REC114: variants seen among roughly 807,000 people sequenced by gnomAD.
REC114 encodes meiotic recombination protein REC114.
A neutral mutation model predicts 31.3 loss-of-function variants in REC114; 27 were observed. The observed-to-expected ratio is 0.86, with a 90% CI of 0.64 to 1.19. REC114 has a LOEUF of 1.19. Ranked by LOEUF, REC114 falls within the 50% of genes most tolerant of loss-of-function variation. The pLI is 0.00. For synonymous variants in REC114, 134 were observed against 127.7 expected, an observed-to-expected ratio of 1.05 and a Z score of -0.33; for missense variants, 344 against 326.9, an observed-to-expected ratio of 1.05 and a Z score of -0.40.
chr15:73,537,075 A>G (rs1212757926), intron 2 of REC114, among the ~76,000 whole-genome samples: 1 of 152,194 alleles, frequency 6.6e-6, no homozygotes, highest in African/African-American at 2.4e-5. Flanking sequence ...TTCTAGTGTT[A>G]AGCACTATAA....
intron 2 of REC114, among the ~76,000 whole-genome samples, chr15:73,528,776 G>A (rs1894038285): frequency 6.6e-6 from 1 of 152,146 alleles, no homozygotes; most frequent in Non-Finnish European, 1.5e-5. Context: ...GTAGGTGCAG[G>A]AGTCTGTACA....
At chr15:73,530,176 G>A (rs146098196) in intron 2 of REC114, among the ~76,000 whole-genome samples, 2 of 152,288 alleles carry the variant, frequency 1.3e-5, no homozygotes, top group African/African-American at 4.8e-5. Flanking sequence ...GTACTTTGAA[G>A]TAAGGCAGGT....
intron 2 of REC114, among the ~76,000 whole-genome samples, chr15:73,479,404 A>C (rs1286014279): frequency 6.6e-6 from 1 of 151,852 alleles, no homozygotes; most frequent in Non-Finnish European, 1.5e-5. Flanking sequence ...GAATTAACAT[A>C]TCGTTACCTC....
At chr15:73,548,967 A>G (rs1162454940) in intron 3 of REC114, among the ~76,000 whole-genome samples, 3 of 152,192 alleles carry the variant, frequency 2.0e-5, no homozygotes, top group African/African-American at 7.2e-5. Flanking sequence ...TATAAGTGGG[A>G]GCTAAATGAT....
intron 1 of REC114, among the ~76,000 whole-genome samples, chr15:73,447,689 A>AAATAAATAAATG (rs397963038): frequency 1.8e-4 from 27 of 151,546 alleles, no homozygotes; most frequent in African/African-American, 6.3e-4. Context: ...ATAAATAAAT[A>AAATAAATAAATG]GGAAAATACA....
chr15:73,501,350 T>C (rs1893601827), intron 2 of REC114, among the ~76,000 whole-genome samples: 1 of 152,198 alleles, frequency 6.6e-6, no homozygotes, highest in Non-Finnish European at 1.5e-5. Context: ...TCTTCTTCTA[T>C]TGAAGGAAAC....
intron 2 of REC114, among the ~76,000 whole-genome samples, chr15:73,539,235 A>G (rs930736748): frequency 1.3e-5 from 2 of 151,102 alleles, no homozygotes; most frequent in African/African-American, 4.9e-5. Context: ...TTCCATTTGG[A>G]AAAAAAACCT....
intron 2 of REC114, among the ~76,000 whole-genome samples, chr15:73,482,762 A>G (rs1339049752): frequency 6.6e-6 from 1 of 152,200 alleles, no homozygotes; most frequent in Admixed American, 6.5e-5. Context: ...AGTTGTTAAT[A>G]CCTTTTGCCT....
At chr15:73,472,960 G>A (rs559886658) in intron 1 of REC114, among the ~76,000 whole-genome samples, 1 of 152,126 alleles carries the variant, frequency 6.6e-6, no homozygotes, top group South Asian at 2.1e-4. Context: ...GTGATTATAG[G>A]CAATAGTATT....
intron 2 of REC114, among the ~76,000 whole-genome samples, chr15:73,516,740 G>A (rs772813090): frequency 3.3e-5 from 5 of 152,084 alleles, no homozygotes; most frequent in South Asian, 2.1e-4. Flanking sequence ...CAATTCTCCC[G>A]CCTCAGCCTC....
intron 2 of REC114, among the ~76,000 whole-genome samples, chr15:73,497,427 C>T (rs1402220789): frequency 6.6e-6 from 1 of 152,142 alleles, no homozygotes; most frequent in Non-Finnish European, 1.5e-5. Context: ...GTAGGTTATC[C>T]ATCACTATCA....
chr15:73,530,447 C>T (rs930910533), intron 2 of REC114, among the ~76,000 whole-genome samples: 3 of 151,940 alleles, frequency 2.0e-5, no homozygotes, highest in African/African-American at 7.2e-5. Context: ...AGATTGCTTG[C>T]GACCAGCCCG....
rs1482946772 is a variant in REC114 at position 73,559,757 on chromosome 15, T to A, written c.642T>A (p.Leu214=). 8.3e-6 allele frequency: 13 copies of A among 1,566,566 alleles called. No homozygotes were observed. Among genetic ancestry groups the A allele is most frequent in the Admixed American group, 2.1e-5 (1 of 48,748 alleles). The change falls in exon 6 of 6, where the codon CTT becomes CTA. Residue 214 remains leucine, a synonymous_variant. Coordinates refer to ENST00000331090, the MANE Select transcript of REC114 (RefSeq NM_001042367.2). The part of the protein sequence containing the change: ...RTSLTQLAQT[L]LASEELPHVY... ...CTTTTCTGGTATCCCTGCAGACTCT[T>A]CTGGCATCGGAGGAGCTGCCCCATG...
At chr15:73,447,648 A>AAAATAAATAAATAAATAAATAAATAAAT in intron 1 of REC114, among the ~76,000 whole-genome samples, 1 of 143,406 alleles carries the variant, frequency 7.0e-6, no homozygotes, top group East Asian at 2.1e-4. Flanking sequence ...ACTCTGTCTC[A>AAAATAAATAAATAAATAAATAAATAAAT]AAATAAATAA....
intron 2 of REC114, among the ~76,000 whole-genome samples, chr15:73,482,715 A>G (rs1893312739): frequency 6.6e-6 from 1 of 152,154 alleles, no homozygotes; most frequent in Non-Finnish European, 1.5e-5. Context: ...GGTATATACT[A>G]CATTTTGTTT....
Position 73,505,033 on chromosome 15 carries a change from A to G in REC114, c.249+31112A>G, listed in dbSNP as rs553611485. On this transcript the variant is annotated intron_variant, in intron 2 of 5. Transcript: ENST00000331090. ...TACCTTTGCATTTGCTGTCCTCACA[A>G]GTGACCTTTTTTTTTCCTTATCTGC... Among the ~76,000 whole-genome samples, 37 of 152,080 alleles carry G rather than the reference A, an allele frequency of 2.4e-4. 1 individual carries two copies. The South Asian group carries it at 7.1e-3, about 29-fold the overall frequency.
At chr15:73,451,565 G>T (rs1205587083) in intron 1 of REC114, among the ~76,000 whole-genome samples, 3 of 152,130 alleles carry the variant, frequency 2.0e-5, no homozygotes, top group African/African-American at 7.2e-5. Flanking sequence ...AAGAGGAGCT[G>T]GTACCATTCC....
chr15:73,450,453 C>T (rs1422084393), intron 1 of REC114, among the ~76,000 whole-genome samples: 1 of 152,180 alleles, frequency 6.6e-6, no homozygotes, highest in East Asian at 1.9e-4. Context: ...AATATATATG[C>T]ACCCAATACA....
intron 1 of REC114, among the ~76,000 whole-genome samples, chr15:73,445,845 T>TATA (rs983066347): frequency 3.1e-4 from 47 of 152,076 alleles, no homozygotes; most frequent in African/African-American, 9.9e-4. Context: ...CACCATCATA[T>TATA]ATAATAATAA....
Sources: allele counts gnomAD v4.1 joint callset (sites outside exome capture counted in the v4.1 genomes callset), GRCh38; gene constraint gnomAD v4.1.1; transcripts MANE v1.5; gene names NCBI Gene and HGNC (gene_info 2026-07-23, HGNC 2026-07-21).